RSRC1: variants seen among roughly 807,000 people sequenced by gnomAD.
RSRC1 encodes arginine and serine rich coiled-coil 1, also known as serine/Arginine-related protein 53.
In RSRC1, 39 loss-of-function variants were observed where a neutral mutation model predicts 49.1. The observed-to-expected ratio is 0.79, with a 90% CI of 0.61 to 1.04. The LOEUF is 1.04. Among genes scored for constraint, RSRC1 ranks in the 50% least tolerant of loss-of-function variants. The pLI, the probability that RSRC1 is intolerant of heterozygous loss-of-function variation, is 0.00. For missense variants in RSRC1, 388 were observed against 402.4 expected, an observed-to-expected ratio of 0.96 and a Z score of 0.31; for synonymous variants, 143 against 130.8, an observed-to-expected ratio of 1.09 and a Z score of -0.63.
At chr3:158,372,607 G>A (rs1181163396) in intron 6 of RSRC1, among the ~76,000 whole-genome samples, 1 of 151,780 alleles carries the variant, frequency 6.6e-6, no homozygotes, top group Non-Finnish European at 1.5e-5. Flanking sequence ...TTCTTTTTCA[G>A]AATGCTTTAG....
intron 5 of RSRC1, among the ~76,000 whole-genome samples, chr3:158,313,302 T>C (rs1728233441): frequency 6.6e-6 from 1 of 152,222 alleles, no homozygotes; most frequent in African/African-American, 2.4e-5. Flanking sequence ...TGCCTAGTGA[T>C]AGTAGGCACT....
chr3:158,496,371 G>T (rs1353207440), intron 7 of RSRC1, among the ~76,000 whole-genome samples: 2 of 152,074 alleles, frequency 1.3e-5, no homozygotes, highest in African/African-American at 4.8e-5. Context: ...TCTGAGATAG[G>T]GACTAAGGAT....
intron 7 of RSRC1, among the ~76,000 whole-genome samples, chr3:158,471,896 C>T (rs1738147597): frequency 6.6e-6 from 1 of 152,074 alleles, no homozygotes; most frequent in African/African-American, 2.4e-5. Context: ...GAGTAAACAC[C>T]AAAGTCCTAA....
At chr3:158,543,548 C>T (rs1287325037) in intron 9 of RSRC1, 61 bp downstream of exon 9, 1 of 1,506,748 alleles carries the variant, frequency 6.6e-7, no homozygotes, top group Admixed American at 2.0e-5. Context: ...TTATTTCAAT[C>T]TGTTATCCTT....
At chr3:158,212,405 G>A (rs1170942032) in intron 4 of RSRC1, among the ~76,000 whole-genome samples, 4 of 151,094 alleles carry the variant, frequency 2.6e-5, no homozygotes, top group African/African-American at 7.3e-5. Context: ...ACTTTTTTCT[G>A]TATTTTAAAT....
chr3:158,348,382 A>T (rs986953031), intron 5 of RSRC1, among the ~76,000 whole-genome samples: 1 of 152,176 alleles, frequency 6.6e-6, no homozygotes, highest in African/African-American at 2.4e-5. Context: ...TCAAAGGATT[A>T]TGCTGGTTTT....
At chr3:158,383,751 A>G (rs1467589607) in intron 6 of RSRC1, among the ~76,000 whole-genome samples, 2 of 152,080 alleles carry the variant, frequency 1.3e-5, no homozygotes, top group Non-Finnish European at 2.9e-5. Flanking sequence ...GTAATTGAAA[A>G]TTTGAAAGAC....
At chr3:158,215,266 T>C (rs1355132233) in intron 4 of RSRC1, among the ~76,000 whole-genome samples, 1 of 151,514 alleles carries the variant, frequency 6.6e-6, no homozygotes, top group African/African-American at 2.4e-5. Flanking sequence ...CTTACATCAT[T>C]ATATTTGAGA....
intron 4 of RSRC1, among the ~76,000 whole-genome samples, chr3:158,215,477 C>T (rs1275455491): frequency 6.6e-6 from 1 of 151,628 alleles, no homozygotes; most frequent in Non-Finnish European, 1.5e-5. Context: ...TTACATGACT[C>T]ACTTTAATAT....
intron 7 of RSRC1, among the ~76,000 whole-genome samples, chr3:158,477,579 A>G (rs1202278820): frequency 2.0e-5 from 3 of 151,924 alleles, no homozygotes; most frequent in Non-Finnish European, 2.9e-5. Context: ...TAGATGTAAC[A>G]CTATTGCACA....
rs1578301705 is a variant in RSRC1 at position 158,295,197 on chromosome 3, C to T, written c.495-2842C>T. Among the ~76,000 whole-genome samples, 6 of 152,048 alleles carry T rather than the reference C, an allele frequency of 3.9e-5. 1 individual carries two copies. The South Asian group carries it at 1.2e-3, about 32-fold the overall frequency. ...ATTGAAGAATGGTTTAGGATGAGTC[C>T]TGAAGGATGGATTTTTGTTAGATAG... is the stretch of plus-strand genomic sequence containing the variant. On this transcript the variant is annotated intron_variant, in intron 4 of 9. Transcript: ENST00000611884.
chr3:158,514,501 G>T (rs6769518), intron 7 of RSRC1, among the ~76,000 whole-genome samples: 2,743 of 152,102 alleles, frequency 0.018, 81 homozygotes, highest in African/African-American at 0.06. Flanking sequence ...ATAATTTCTG[G>T]TCTTTTACAT....
chr3:158,233,679 A>T (rs761601934), intron 4 of RSRC1, among the ~76,000 whole-genome samples: 10 of 152,068 alleles, frequency 6.6e-5, no homozygotes, highest in African/African-American at 1.7e-4. Context: ...GAAGAGAAAC[A>T]TAATGAAATC....
chr3:158,543,223 T>C, intron 8 of RSRC1, 112 bp from the exon 9 acceptor site: 1 of 791,532 alleles, frequency 1.3e-6, no homozygotes, highest in Non-Finnish European at 1.8e-6. Context: ...TGGAGATGGG[T>C]ATCATCTCAA....
chr3:158,298,157 T>C (rs1446567753), intron 5 of RSRC1, 82 bp downstream of exon 5: 2 of 1,030,270 alleles, frequency 1.9e-6, no homozygotes, highest in Middle Eastern at 2.0e-4. Flanking sequence ...GAGCTTTGAA[T>C]ACTTTGTATT....
intron 5 of RSRC1, among the ~76,000 whole-genome samples, chr3:158,298,838 T>G (rs1727379200): frequency 6.6e-6 from 1 of 152,180 alleles, no homozygotes; most frequent in African/African-American, 2.4e-5. Flanking sequence ...GTCTAAGTAG[T>G]TTTTTAATGC....
At chr3:158,229,121 T>C (rs202014409) in intron 4 of RSRC1, among the ~76,000 whole-genome samples, 1 of 149,718 alleles carries the variant, frequency 6.7e-6, no homozygotes, top group Non-Finnish European at 1.5e-5. Context: ...TATATAAACA[T>C]ACGTGTATAT....
At chr3:158,358,650 A>T (rs928374950) in intron 6 of RSRC1, among the ~76,000 whole-genome samples, 1 of 152,170 alleles carries the variant, frequency 6.6e-6, no homozygotes, top group Non-Finnish European at 1.5e-5. Context: ...TGAACAATTC[A>T]GTGGCATTCA....
chr3:158,203,002 T>C, intron 3 of RSRC1, 70 bp from the exon 4 acceptor site: 3 of 1,261,316 alleles, frequency 2.4e-6, no homozygotes, highest in Non-Finnish European at 3.3e-6. Context: ...TCAGATAATT[T>C]AAAAGAGTAT....
Sources: allele counts gnomAD v4.1 joint callset (sites outside exome capture counted in the v4.1 genomes callset), GRCh38; gene constraint gnomAD v4.1.1; transcripts MANE v1.5; gene names NCBI Gene and HGNC (gene_info 2026-07-23, HGNC 2026-07-21).